Variants in PACRG observed in about 807,000 individuals in gnomAD.
PACRG encodes the protein parkin coregulated.
Under a neutral mutation model 29.7 loss-of-function variants are expected in PACRG, and 29 were observed. The observed-to-expected ratio is 0.98, with a 90% CI of 0.73 to 1.33. PACRG has a LOEUF of 1.33. Among genes scored for constraint, PACRG ranks in the 40% most tolerant of loss-of-function variants. The pLI is 0.00. For missense variants in PACRG, 279 were observed against 316.2 expected (o/e 0.88, Z 0.89); for synonymous variants, 116 against 118.7 (o/e 0.98, Z 0.15).
intron 3 of PACRG, among the ~76,000 whole-genome samples, chr6:163,082,499 T>C (rs1813176868): frequency 6.6e-6 from 1 of 152,174 alleles, no homozygotes; most frequent in South Asian, 2.1e-4. Flanking sequence ...AATAATAATA[T>C]GTAATAACAA....
chr6:162,749,563 C>G (rs540085857), intron 1 of PACRG, among the ~76,000 whole-genome samples: 53 of 152,224 alleles, frequency 3.5e-4, no homozygotes, highest in African/African-American at 1.1e-3. Context: ...CTCTGTCGCC[C>G]AGGCTGGAGT....
chr6:163,108,237 A>C (rs537327), intron 4 of PACRG, among the ~76,000 whole-genome samples: 65,828 of 151,632 alleles, frequency 0.43, 14,703 homozygotes, highest in African/African-American at 0.55. Context: ...AAATCTGTAG[A>C]ACCACCCACT....
intron 3 of PACRG, among the ~76,000 whole-genome samples, chr6:163,088,968 T>A (rs1169450336): frequency 6.6e-6 from 1 of 152,198 alleles, no homozygotes; most frequent in Non-Finnish European, 1.5e-5. Context: ...TCTTTCATAC[T>A]GCTTATCCAA....
At chr6:163,115,944 A>C (rs1353727468) in intron 4 of PACRG, among the ~76,000 whole-genome samples, 1 of 152,234 alleles carries the variant, frequency 6.6e-6, no homozygotes, top group Non-Finnish European at 1.5e-5. Context: ...ATGCTGGAAG[A>C]AAAGCTATTC....
At chr6:163,006,177 A>C (rs1205068754) in intron 2 of PACRG, among the ~76,000 whole-genome samples, 1 of 132,010 alleles carries the variant, frequency 7.6e-6, no homozygotes, top group Non-Finnish European at 1.6e-5. Flanking sequence ...TAAAACATAC[A>C]TATATATAAA....
At chr6:162,791,665 G>A (rs1475161112) in intron 1 of PACRG, among the ~76,000 whole-genome samples, 2 of 152,084 alleles carry the variant, frequency 1.3e-5, no homozygotes, top group Non-Finnish European at 2.9e-5. Context: ...CTAGCTCCAC[G>A]TGGGCGCTTT....
intron 2 of PACRG, among the ~76,000 whole-genome samples, chr6:162,821,025 G>A (rs888658496): frequency 2.0e-5 from 3 of 151,970 alleles, no homozygotes; most frequent in Non-Finnish European, 4.4e-5. Flanking sequence ...TTTATTTGAT[G>A]TAAATTGTTA....
chr6:162,963,846 T>C (rs2128148271), intron 2 of PACRG, among the ~76,000 whole-genome samples: 1 of 152,238 alleles, frequency 6.6e-6, no homozygotes, highest in South Asian at 2.1e-4. Context: ...TTCTATTTCA[T>C]TGCAATTGCA....
chr6:162,882,370 A>G (rs1793967019), intron 2 of PACRG, among the ~76,000 whole-genome samples: 1 of 149,566 alleles, frequency 6.7e-6, no homozygotes, highest in African/African-American at 2.5e-5. Flanking sequence ...CCAATACCAG[A>G]GACCTGGGGC....
At chr6:163,140,657 A>G (rs1031414304) in intron 4 of PACRG, among the ~76,000 whole-genome samples, 6 of 152,194 alleles carry the variant, frequency 3.9e-5, no homozygotes, top group African/African-American at 1.4e-4. Context: ...AAGAATTTCC[A>G]TGCTAAAAAA....
At chr6:163,247,119 T>A (rs889289856) in intron 4 of PACRG, among the ~76,000 whole-genome samples, 2 of 152,212 alleles carry the variant, frequency 1.3e-5, no homozygotes, top group African/African-American at 2.4e-5. Context: ...TCTGGTATCC[T>A]TACTTGAACC....
chr6:162,908,116 G>A (rs1457409775), intron 2 of PACRG, among the ~76,000 whole-genome samples: 1 of 152,090 alleles, frequency 6.6e-6, no homozygotes, highest in East Asian at 1.9e-4. Context: ...TTAAGTCATA[G>A]GCATATATTA....
intron 4 of PACRG, among the ~76,000 whole-genome samples, chr6:163,288,854 C>T (rs561060821): frequency 1.3e-5 from 2 of 152,298 alleles, no homozygotes; most frequent in East Asian, 1.9e-4. Context: ...TCATGGAATG[C>T]ACTCTAAAGA....
intron 2 of PACRG, among the ~76,000 whole-genome samples, chr6:163,002,415 A>G (rs967634161): frequency 5.9e-5 from 9 of 152,200 alleles, no homozygotes; most frequent in Non-Finnish European, 1.2e-4. Flanking sequence ...CTAATGCTAT[A>G]TATACAAATA....
chr6:163,048,278 A>G (rs940584100), intron 2 of PACRG, among the ~76,000 whole-genome samples: 2 of 152,184 alleles, frequency 1.3e-5, no homozygotes, highest in African/African-American at 4.8e-5. Context: ...AATAATCCTA[A>G]AGTTCACCAT....
At position 163,212,901 on chromosome 6, in the gene PACRG, C is replaced by A. The variant is rs1781209987; in HGVS notation, c.614-101926C>A. Among the ~76,000 whole-genome samples the A allele has an allele frequency of 2.0e-5, 3 of 152,048 alleles. No individual in the cohort carries two copies. The South Asian group carries it at 6.2e-4, about 32-fold the overall frequency. ...TCATGCCATTCTCCTGCCTCAGCCT[C>A]CCGAGTAGCTGGAACTACAGGCACC... is the stretch of plus-strand genomic sequence containing the variant. On this transcript the variant is annotated intron_variant, in intron 4 of 4. Coordinates refer to ENST00000366888, the MANE Select transcript of PACRG (RefSeq NM_001080379.2).
chr6:162,968,331 A>C (rs570514599), intron 2 of PACRG, among the ~76,000 whole-genome samples: 55 of 152,362 alleles, frequency 3.6e-4, no homozygotes, highest in African/African-American at 1.3e-3. Context: ...TTATTTTTTG[A>C]AATTATAATG....
intron 2 of PACRG, among the ~76,000 whole-genome samples, chr6:163,003,445 C>T (rs1212414235): frequency 6.6e-6 from 1 of 151,940 alleles, no homozygotes; most frequent in African/African-American, 2.4e-5. Flanking sequence ...TTTGCAATAC[C>T]AGAATCAAGT....
In PACRG at chr6:163,174,256, G is replaced by T. The variant is rs568920581; in HGVS notation, c.613+84848G>T. On this transcript the variant is annotated intron_variant, in intron 4 of 4. Transcript: ENST00000366888. ...CAAAAAAAATCTCATAATGTTTTAA[G>T]AAAGTTTATGAATTTGTTTTGGGCC... 5.3e-5 allele frequency among the ~76,000 whole-genome samples: 8 copies of T among 152,316 alleles called. No homozygotes were observed. The East Asian group carries it at 1.5e-3, about 29-fold the overall frequency.
Sources: allele counts gnomAD v4.1 joint callset (sites outside exome capture counted in the v4.1 genomes callset), GRCh38; gene constraint gnomAD v4.1.1; transcripts MANE v1.5; gene names NCBI Gene and HGNC (gene_info 2026-07-23, HGNC 2026-07-21).